The following RC3H2 variants were observed in gnomAD, a reference collection of about 807,000 sequenced individuals.
RC3H2 encodes the protein roquin-2.
Under a neutral mutation model 133.3 loss-of-function variants are expected in RC3H2, and 31 were observed. That is an observed-to-expected ratio of 0.23 (90% CI 0.17 to 0.31). The LOEUF (loss-of-function observed/expected upper bound fraction) is 0.31, where lower values mean the gene tolerates loss of function less well. Ranked by LOEUF, RC3H2 falls within the 10% of genes least tolerant of loss-of-function variation. The pLI, the probability that RC3H2 is intolerant of heterozygous loss-of-function variation, is 1.00. For synonymous variants in RC3H2, 517 were observed against 502.2 expected, an observed-to-expected ratio of 1.03 and a Z score of -0.40; for missense variants, 1,175 against 1,437.2, an observed-to-expected ratio of 0.82 and a Z score of 2.95.
At chr9:122,879,701 G>T in intron 8 of RC3H2, 54 bp downstream of exon 8, 1 of 1,179,668 alleles carries the variant, frequency 8.5e-7, no homozygotes, top group Non-Finnish European at 1.2e-6. Context: ...AAGATGTTCA[G>T]GATGAAACTG....
At position 122,851,564 on chromosome 9, in the gene RC3H2, C is replaced by T. The variant is rs1830019430; in HGVS notation, c.3118-128G>A. The stretch of plus-strand genomic sequence containing the variant: ...CATGCCGAGCCGAAGCTGGACTATA[C>T]TGCTGCCATCTCGGCTCACTGCAAC... On this transcript the variant is annotated intron_variant, in intron 18 of 20. Transcript: ENST00000357244. The T allele has an allele frequency of 2.4e-6, 3 of 1,254,528 alleles. No individual in the cohort carries two copies. The Admixed American group carries it at 7.6e-5, about 32-fold the overall frequency. The allele number at this position is 1,254,528 out of a possible 1,614,324, so 77.7% of individuals were successfully genotyped here.
At position 122,858,047 on chromosome 9, in the gene RC3H2, C is replaced by T; in HGVS notation, c.2330G>A (p.Arg777Lys). Residue 777 changes from arginine to lysine, a missense_variant, in exon 13 of 21, where the codon AGA (arginine) becomes AAA (lysine). Around this residue, in one of 8 missense-constraint regions of RC3H2, gnomAD observed 490 missense variants for 492.8 expected, o/e 0.99. Transcript: ENST00000357244. ...LKTSCEEQIR[R>K]KPDQWAQYHT... ...GTACTGTGCCCACTGATCTGGCTTT[C>T]TTCTTATCTGCTCCTCGCAACTGGT... 6.2e-7 allele frequency: 1 copy of T among 1,614,224 alleles called. No homozygotes were observed. The highest frequency in any genetic ancestry group is 8.5e-7 in the Non-Finnish European group (1 of 1,180,032).
At chr9:122,881,359 A>G in intron 5 of RC3H2, among the ~76,000 whole-genome samples, 1 of 150,354 alleles carries the variant, frequency 6.7e-6, no homozygotes, top group Admixed American at 6.7e-5. Context: ...TGGTGGTGGC[A>G]GGCGCCTGTA....
chr9:122,872,231 CTCTTT>C (rs2131435031), intron 9 of RC3H2, among the ~76,000 whole-genome samples: 1 of 152,360 alleles, frequency 6.6e-6, no homozygotes, highest in South Asian at 2.1e-4. Flanking sequence ...CTTGATTCCT[CTCTTT>C]TCTTTATAGC....
In RC3H2 at chr9:122,890,487, T is replaced by C. The variant is rs759272482; in HGVS notation, c.408A>G (p.Thr136=). Residue 136 remains threonine, a synonymous_variant, in exon 4 of 21, where the codon ACA becomes ACG. Coordinates refer to ENST00000357244, the MANE Select transcript of RC3H2 (RefSeq NM_001100588.3). ...CCTCCACCAGTTGACAGTTTACAAGTGTCACCAGTTTCCTTTGCATTGGAC... is the reference window on the plus strand; with the variant it reads ...CCTCCACCAGTTGACAGTTTACAAGCGTCACCAGTTTCCTTTGCATTGGAC... ...LSRPMQRKLV[T]LVNCQLVEEE... The C allele has an allele frequency of 1.2e-5, 19 of 1,614,206 alleles. No individual in the cohort carries two copies. In the East Asian group the frequency reaches 1.8e-4, roughly 15 times the overall value.
intron 18 of RC3H2, 112 bp downstream of exon 18, chr9:122,853,840 A>G (rs1418626759): frequency 6.3e-7 from 1 of 1,582,836 alleles, no homozygotes; most frequent in Non-Finnish European, 8.6e-7. Flanking sequence ...AAAGCAATCA[A>G]TCATCCATCA....
chr9:122,868,605 G>A (rs1160452759), intron 9 of RC3H2, among the ~76,000 whole-genome samples: 19 of 151,972 alleles, frequency 1.3e-4, no homozygotes, highest in African/African-American at 2.4e-4. Context: ...CAAACGCTGC[G>A]GAAGGCCGCA....
intron 2 of RC3H2, 30 bp downstream of exon 2, chr9:122,897,249 C>T (rs1238153025): frequency 1.2e-6 from 2 of 1,607,480 alleles, no homozygotes; most frequent in Non-Finnish European, 8.5e-7. Context: ...TATTTTTGCA[C>T]CAACCTATAG....
chr9:122,905,138 G>A lies in RC3H2; in HGVS notation c.-96C>T, dbSNP rs1206849359. 11 of 985,408 alleles carry A rather than the reference G, an allele frequency of 1.1e-5. No homozygotes were observed. Among genetic ancestry groups the A allele is most frequent in the Non-Finnish European group, 1.3e-5 (11 of 829,920 alleles). The allele number at this position is 985,408 out of a possible 1,614,324, so 61.0% of individuals were successfully genotyped here. ...AGGGGGCCCGGGCGGGGTCGCTAAG[G>A]GCCGCTCCCGGGAGCCCCGCGACGG... On this transcript the variant is annotated 5_prime_UTR_variant, in exon 1 of 21. Transcript: ENST00000357244.
intron 6 of RC3H2, 89 bp from the exon 7 acceptor site, chr9:122,880,214 C>T (rs370485400): frequency 5.2e-4 from 731 of 1,408,308 alleles, no homozygotes; most frequent in African/African-American, 5.1e-4. Context: ...ATATTTAATA[C>T]GTTTTCAAGT....
Position 122,879,784 on chromosome 9 carries a change from A to C in RC3H2, c.1183T>G (p.Tyr395Asp). Residue 395 changes from tyrosine (Y) to aspartate (D), a missense_variant, in exon 8 of 21, where the codon TAT becomes GAT. Physicochemically the swap from Tyr to Asp is radical, Grantham distance 160 (BLOSUM62 -3). Around this residue, in one of 8 missense-constraint regions of RC3H2, gnomAD observed 131 missense variants for 154.2 expected, o/e 0.85. Transcript: ENST00000357244. Reference protein sequence around the residue: ...VHGLVDFIQNYSRKGHETPQP... With the variant: ...VHGLVDFIQNDSRKGHETPQP... Reference sequence around the variant, plus strand: ...GGGGTCTCATGGCCTTTTCTACTATAATTTTGTATGAAGTCCACAAGGCCA... The same window carrying C: ...GGGGTCTCATGGCCTTTTCTACTATCATTTTGTATGAAGTCCACAAGGCCA... 1 of 1,613,140 alleles carries C rather than the reference A, an allele frequency of 6.2e-7. No individual in the cohort carries two copies. The highest frequency in any genetic ancestry group is 1.1e-5 in the South Asian group (1 of 91,004).
intron 18 of RC3H2, among the ~76,000 whole-genome samples, chr9:122,853,293 C>A (rs1830119127): frequency 6.7e-6 from 1 of 148,806 alleles, no homozygotes; most frequent in African/African-American, 2.5e-5. Flanking sequence ...CCTTTGTTCA[C>A]TTGTTTATCT....
intron 2 of RC3H2, 82 bp from the exon 3 acceptor site, chr9:122,893,108 C>T (rs2131493989): frequency 1.3e-6 from 2 of 1,500,498 alleles, no homozygotes; most frequent in South Asian, 2.5e-5. Context: ...TGATAATAAT[C>T]TTGGTGAGTA....
At position 122,881,000 on chromosome 9, in the gene RC3H2, CAA is replaced by C. The variant is rs1222533961; in HGVS notation, c.760-208_760-207del. Among the ~76,000 whole-genome samples, 11 of 152,150 alleles carry C rather than the reference CAA, an allele frequency of 7.2e-5. No individual in the cohort carries two copies. In the South Asian group the frequency reaches 2.1e-3, roughly 29 times the overall value. On this transcript the variant is annotated intron_variant, in intron 5 of 20. Transcript: ENST00000357244. ...TAACTAAATACATAATCCTTGCCTT[CAA>C]TGATTTCAGCCACTAGTAAGAAAGA...
At chr9:122,877,942 C>A (rs1393936066) in intron 8 of RC3H2, among the ~76,000 whole-genome samples, 1 of 151,724 alleles carries the variant, frequency 6.6e-6, no homozygotes, top group Non-Finnish European at 1.5e-5. Flanking sequence ...TAAAAAAAAA[C>A]CAAAAGCTTT....
chr9:122,881,204 A>C (rs773695534), intron 5 of RC3H2, among the ~76,000 whole-genome samples: 5 of 152,140 alleles, frequency 3.3e-5, no homozygotes, highest in Non-Finnish European at 7.4e-5. Flanking sequence ...AAAGGTGAGG[A>C]GGCCAGGGAT....
Position 122,845,847 on chromosome 9 carries a change from G to T in RC3H2, c.*3780C>A, listed in dbSNP as rs1309793868. On this transcript the variant is annotated 3_prime_UTR_variant, in exon 21 of 21. Transcript: ENST00000357244. ...AGCCTCTTCATTCACTAAAACAAAA[G>T]AAAAGTTCTTCCAGGAAACCAATGC... 1 of 152,084 alleles carries T rather than the reference G, an allele frequency of 6.6e-6. No homozygotes were observed. Among genetic ancestry groups the T allele is most frequent in the Admixed American group, 6.6e-5 (1 of 15,266 alleles). The allele number at this position is 152,084 out of a possible 1,614,324, so 9.4% of individuals were successfully genotyped here. A position where few individuals can be genotyped will look rare whatever the true frequency, so the allele number is the denominator to read the frequency against.
rs778853188 is a variant in RC3H2, at chr9:122,870,402, AAACAAACAAAC to A, written c.1326-4756_1326-4746del. On this transcript the variant is annotated intron_variant, in intron 9 of 20. Transcript: ENST00000357244. The stretch of plus-strand genomic sequence containing the variant: ...AAAACAAACAAACAAACAAACAAAC[AAACAAACAAAC>A]AAAAAAAAAACAACAAACTGAGATA... 0.01 allele frequency among the ~76,000 whole-genome samples: 1,369 copies of A among 131,594 alleles called. 47 individuals carry two copies. In the East Asian group the frequency reaches 0.15, roughly 14 times the overall value. The allele number at this position is 131,594 out of a possible 152,430, so 86.3% of individuals were successfully genotyped here. A position where few individuals can be genotyped will look rare whatever the true frequency, so the allele number is the denominator to read the frequency against.
At chr9:122,866,751 G>A (rs868452611) in intron 9 of RC3H2, among the ~76,000 whole-genome samples, 10 of 152,138 alleles carry the variant, frequency 6.6e-5, no homozygotes, top group African/African-American at 1.7e-4. Context: ...ATCTCAGCTC[G>A]CTACAACCTC....
Sources: allele counts gnomAD v4.1 joint callset (sites outside exome capture counted in the v4.1 genomes callset), GRCh38; gene constraint gnomAD v4.1.1; regional missense constraint gnomAD v4.1.1; transcripts MANE v1.5; gene names NCBI Gene and HGNC (gene_info 2026-07-23, HGNC 2026-07-21).